Variants in HFM1 observed in about 807,000 individuals in gnomAD.
HFM1 encodes the protein helicase for meiosis 1.
A neutral mutation model predicts 192.1 loss-of-function variants in HFM1; 169 were observed. That is an observed-to-expected ratio of 0.88 (90% CI 0.78 to 1.00). HFM1 has a LOEUF of 1.00. HFM1 is among the 50% of genes least tolerant of loss of function. HFM1 has a pLI of 0.00. For synonymous variants in HFM1, 525 were observed against 537.8 expected (o/e 0.98, Z 0.33); for missense variants, 1,661 against 1,668.0 (o/e 1.00, Z 0.07).
chr1:91,371,061 A>G (rs2101921392), intron 13 of HFM1, among the ~76,000 whole-genome samples: 1 of 151,766 alleles, frequency 6.6e-6, no homozygotes, highest in African/African-American at 2.4e-5. Context: ...TTCAAGGAGA[A>G]CTACAAACCA....
chr1:91,277,676 CTA>C (rs1201178838), intron 30 of HFM1, among the ~76,000 whole-genome samples: 18 of 125,290 alleles, frequency 1.4e-4, no homozygotes, highest in Non-Finnish European at 2.7e-4. Context: ...AATATATACA[CTA>C]TATATAATAT....
At chr1:91,366,513 C>A (rs988059948) in intron 13 of HFM1, among the ~76,000 whole-genome samples, 5 of 152,112 alleles carry the variant, frequency 3.3e-5, no homozygotes, top group Admixed American at 6.5e-5. Context: ...GCCTCTCTAC[C>A]CTATACCTAC....
chr1:91,311,242 T>G (rs1478961785), intron 30 of HFM1, among the ~76,000 whole-genome samples: 1 of 152,154 alleles, frequency 6.6e-6, no homozygotes, highest in Non-Finnish European at 1.5e-5. Context: ...AACTTTTAAC[T>G]TGAGAGAGAT....
At chr1:91,359,507 G>A (rs1463078077) in intron 13 of HFM1, among the ~76,000 whole-genome samples, 1 of 149,056 alleles carries the variant, frequency 6.7e-6, no homozygotes, top group Non-Finnish European at 1.5e-5. Context: ...AAGAATCTCT[G>A]AGCTAGAAGA....
intron 30 of HFM1, among the ~76,000 whole-genome samples, chr1:91,292,446 T>C (rs1668881184): frequency 6.9e-6 from 1 of 144,960 alleles, no homozygotes; most frequent in Admixed American, 7.0e-5. Context: ...TGAACTCCCA[T>C]TCACAATTGC....
chr1:91,360,200 C>T (rs1414465293), intron 13 of HFM1, among the ~76,000 whole-genome samples: 10 of 152,050 alleles, frequency 6.6e-5, no homozygotes, highest in Non-Finnish European at 1.3e-4. Flanking sequence ...ATAACAATAC[C>T]AATCTTAAAT....
chr1:91,388,170 A>C (rs1662487909), intron 4 of HFM1, among the ~76,000 whole-genome samples: 1 of 152,128 alleles, frequency 6.6e-6, no homozygotes, highest in Non-Finnish European at 1.5e-5. Context: ...AAATGTAAGT[A>C]AAGTGTTTCC....
intron 36 of HFM1, 78 bp from the exon 37 acceptor site, chr1:91,262,670 G>A: frequency 1.2e-6 from 1 of 848,332 alleles, no homozygotes; most frequent in African/African-American, 1.7e-5. Flanking sequence ...ATGATTTTTG[G>A]GGAATATGAT....
chr1:91,286,293 A>C (rs2100865241), intron 30 of HFM1, among the ~76,000 whole-genome samples: 1 of 152,352 alleles, frequency 6.6e-6, no homozygotes, highest in Non-Finnish European at 1.5e-5. Context: ...TTAAAACAAC[A>C]GAAATTTATT....
chr1:91,360,839 AAC>A (rs377609525), intron 13 of HFM1, among the ~76,000 whole-genome samples: 1 of 152,192 alleles, frequency 6.6e-6, no homozygotes, highest in African/African-American at 2.4e-5. Flanking sequence ...AATCATAACA[AAC>A]AGTCTCTCAG....
At chr1:91,372,842 CT>C (rs1660413057) in intron 13 of HFM1, among the ~76,000 whole-genome samples, 2 of 152,120 alleles carry the variant, frequency 1.3e-5, no homozygotes, top group Non-Finnish European at 2.9e-5. Flanking sequence ...CACTTTCTCC[CT>C]TTCTTTCTAC....
chr1:91,326,984 C>A (rs1653013639), intron 20 of HFM1, among the ~76,000 whole-genome samples: 1 of 152,068 alleles, frequency 6.6e-6, no homozygotes, highest in Non-Finnish European at 1.5e-5. Context: ...ACAGTATTTG[C>A]AAACCCCATG....
chr1:91,285,205 C>CTT (rs1667841574), intron 30 of HFM1, among the ~76,000 whole-genome samples: 1 of 152,092 alleles, frequency 6.6e-6, no homozygotes, highest in African/African-American at 2.4e-5. Flanking sequence ...TCAGTTATGT[C>CTT]TTTATCAGCA....
chr1:91,366,530 T>A lies in HFM1; in HGVS notation c.1685+8828A>T, dbSNP rs990109490. Among the ~76,000 whole-genome samples the A allele has an allele frequency of 9.2e-5, 14 of 152,304 alleles. No homozygotes were observed. The East Asian group carries it at 2.7e-3, about 29-fold the overall frequency. On this transcript the variant is annotated intron_variant, in intron 13 of 38. Coordinates refer to ENST00000370425, the MANE Select transcript of HFM1 (RefSeq NM_001017975.6). ...CTCTCTACCCTATACCTACACGTTT[T>A]AAAAAAATCCCAGTTTACCTTTATT...
intron 13 of HFM1, among the ~76,000 whole-genome samples, chr1:91,373,545 T>C (rs1025246826): frequency 3.3e-5 from 5 of 151,998 alleles, no homozygotes; most frequent in African/African-American, 1.2e-4. Flanking sequence ...TGAGGCCTGG[T>C]AGGAGGTGAA....
intron 36 of HFM1, among the ~76,000 whole-genome samples, chr1:91,264,825 C>T (rs1665594453): frequency 6.6e-6 from 1 of 152,092 alleles, no homozygotes; most frequent in African/African-American, 2.4e-5. Context: ...ATGCATTTTG[C>T]ATTTTTTGTA....
chr1:91,333,730 A>G (rs1654158216), intron 20 of HFM1, among the ~76,000 whole-genome samples: 1 of 152,304 alleles, frequency 6.6e-6, no homozygotes, highest in South Asian at 2.1e-4. Context: ...CTCTATAAAT[A>G]TATATACTTA....
chr1:91,275,919 T>A (rs890705705), intron 32 of HFM1, among the ~76,000 whole-genome samples: 1 of 152,176 alleles, frequency 6.6e-6, no homozygotes, highest in Non-Finnish European at 1.5e-5. Context: ...AGTACTTTCA[T>A]GATAAAGTCT....
In HFM1 at chr1:91,315,949, C is replaced by T. The variant is rs773788286; in HGVS notation, c.3006G>A (p.Thr1002=). The change falls in exon 28 of 39, where the codon ACG becomes ACA. Residue 1002 remains threonine (T), a synonymous_variant. Transcript: ENST00000370425. The part of the protein sequence containing the change: ...VEQITRYSDT[T]AEILVTVILR... ...ATATAACAGTCACTAATATTTCTGC[C>T]GTCGTATCACTATATCTTGTAATCT... 33 of 1,589,690 alleles carry T rather than the reference C, an allele frequency of 2.1e-5. No homozygotes were observed. Among genetic ancestry groups the T allele is most frequent in the African/African-American group, 4.0e-5 (3 of 74,282 alleles).
Sources: gnomAD v4.1 joint callset for allele counts (sites outside exome capture counted in the v4.1 genomes callset) on GRCh38, gnomAD v4.1.1 for gene constraint, MANE v1.5 for transcripts, NCBI Gene and HGNC (gene_info 2026-07-23, HGNC 2026-07-21) for gene names.